GLA: variants seen among roughly 807,000 people sequenced by gnomAD.
GLA encodes alpha-galactosidase A.
Under a neutral mutation model 28.2 loss-of-function variants are expected in GLA, and 4 were observed. The ratio of observed to expected loss-of-function variants is 0.14; its 90% CI spans 0.07 to 0.32. GLA has a LOEUF of 0.32. GLA is among the 10% of genes least tolerant of loss of function. The probability of loss-of-function intolerance (pLI) is 1.00; values close to 1 mark genes in which losing one functional copy is unlikely to be tolerated. For missense variants in GLA, 203 were observed against 323.7 expected, an observed-to-expected ratio of 0.63 and a Z score of 2.86; for synonymous variants, 94 against 113.0, an observed-to-expected ratio of 0.83 and a Z score of 1.07.
At chrX:101,402,670 G>A (rs1383072178) in intron 2 of GLA, among the ~76,000 whole-genome samples, 2 of 111,307 alleles carry the variant, frequency 1.8e-5, no homozygotes, top group East Asian at 5.6e-4. Context: ...GGCTGAGGCA[G>A]GAGAATCACT....
chrX:101,401,330 T>C (rs1424615741), intron 3 of GLA: 8 of 336,453 alleles, frequency 2.4e-5, no homozygotes, highest in East Asian at 6.0e-5. Context: ...CTGTGACCGA[T>C]TGACAACCTG....
At chrX:101,407,630 C>T (rs886320067) in intron 1 of GLA, 80 bp downstream of exon 1, 51 of 929,272 alleles carry the variant, frequency 5.5e-5, no homozygotes, top group Non-Finnish European at 7.7e-5. Context: ...CTCAACTGTT[C>T]CCGTTGAGAC....
chrX:101,403,207 G>A (rs183850282), intron 2 of GLA, among the ~76,000 whole-genome samples: 1 of 103,800 alleles, frequency 9.6e-6, no homozygotes, highest in Non-Finnish European at 2.0e-5. Flanking sequence ...GCTGAGGCAG[G>A]AGAATGGCAT....
In GLA at chrX:101,401,714, A is replaced by G. The variant is rs782197072; in HGVS notation, c.465T>C (p.Asp155=). Residue 155 remains aspartate, a synonymous_variant, in exon 3 of 7, where the codon GAT becomes GAC. Coordinates refer to ENST00000218516, the MANE Select transcript of GLA (RefSeq NM_000169.3). ...CTCCCCAGTCAGCAAAGGTCTGGGC[A>G]TCAATGTCGTAGTATCCAAAACTCC... ...FPGSFGYYDI[D]AQTFADWGVD... 12 of 1,206,911 alleles carry G rather than the reference A, an allele frequency of 9.9e-6. No individual in the cohort carries two copies. The highest frequency in any genetic ancestry group is 1.2e-5 in the Non-Finnish European group (11 of 892,327).
chrX:101,405,003 C>T (rs1215548053), intron 1 of GLA, among the ~76,000 whole-genome samples: 1 of 109,471 alleles, frequency 9.1e-6, no homozygotes, highest in East Asian at 2.9e-4. Flanking sequence ...TTTGGGAGGC[C>T]GAGGCAGGCA....
intron 2 of GLA, among the ~76,000 whole-genome samples, chrX:101,402,635 C>T (rs1244974310): frequency 9.0e-6 from 1 of 110,965 alleles, no homozygotes; most frequent in Non-Finnish European, 1.9e-5. Flanking sequence ...TGGTGGTGTG[C>T]GCCTGTAGTC....
chrX:101,405,185 G>A (rs1006882029), intron 1 of GLA, among the ~76,000 whole-genome samples: 2 of 99,289 alleles, frequency 2.0e-5, no homozygotes, highest in Non-Finnish European at 4.0e-5. Flanking sequence ...GCGGTGAACC[G>A]AGATCGTGAC....
chrX:101,404,429 T>G (rs183376684), intron 1 of GLA, among the ~76,000 whole-genome samples: 1 of 112,038 alleles, frequency 8.9e-6, no homozygotes, highest in African/African-American at 3.2e-5. Flanking sequence ...CTAAATGATT[T>G]GAATAAATGG....
intron 4 of GLA, 145 bp downstream of exon 4, chrX:101,400,521 G>T: frequency 2.0e-6 from 1 of 500,471 alleles, no homozygotes. Context: ...TACAGCAGTG[G>T]GGATGGTGAG....
At chrX:101,399,711 G>A (rs2080252732) in intron 4 of GLA, 1 of 112,584 alleles carries the variant, frequency 8.9e-6, no homozygotes, top group African/African-American at 3.2e-5. Flanking sequence ...TACAGTCAAA[G>A]TCAGACAAGG....
Position 101,401,725 on chromosome X carries a change from A to G in GLA, c.454T>C (p.Tyr152His). ...GCAAAGGTCTGGGCATCAATGTCGTAGTATCCAAAACTCCCAGGGAAGCCT... is the reference window on the plus strand; with the variant it reads ...GCAAAGGTCTGGGCATCAATGTCGTGGTATCCAAAACTCCCAGGGAAGCCT... ...CAGFPGSFGYYDIDAQTFADW... is the reference protein window; with the variant it reads ...CAGFPGSFGYHDIDAQTFADW... Residue 152 changes from tyrosine (Y) to histidine (H), a missense_variant, in exon 3 of 7, where the codon TAC becomes CAC. Physicochemically the swap from Tyr to His is moderately conservative, Grantham distance 83 (BLOSUM62 2). Transcript: ENST00000218516. 8.3e-7 allele frequency: 1 copy of G among 1,207,620 alleles called. No individual in the cohort carries two copies. Among genetic ancestry groups the G allele is most frequent in the Non-Finnish European group, 1.1e-6 (1 of 891,545 alleles).
intron 4 of GLA, 54 bp downstream of exon 4, chrX:101,400,612 G>A (rs377545237): frequency 2.9e-6 from 2 of 687,979 alleles, no homozygotes; most frequent in African/African-American, 4.3e-5. Context: ...TTCCTTTGTT[G>A]TCAAGTTCTA....
intron 1 of GLA, among the ~76,000 whole-genome samples, chrX:101,407,336 C>T (rs1170911702): frequency 9.0e-6 from 1 of 111,670 alleles, no homozygotes; most frequent in African/African-American, 3.3e-5. Flanking sequence ...TAGAACCGGG[C>T]AGGGCTACTT....
chrX:101,400,564 G>A, intron 4 of GLA, 102 bp downstream of exon 4: 1 of 525,105 alleles, frequency 1.9e-6, no homozygotes. Context: ...ATGGTAGGAT[G>A]ATAGTAAGTA....
intron 1 of GLA, among the ~76,000 whole-genome samples, chrX:101,405,719 G>A (rs1262018917): frequency 9.1e-5 from 10 of 110,440 alleles, no homozygotes; most frequent in Admixed American, 3.9e-4. Context: ...CCAGGAGTTC[G>A]AGACCAGCTT....
intron 1 of GLA, among the ~76,000 whole-genome samples, chrX:101,405,232 A>C (rs1265724330): frequency 1.1e-5 from 1 of 92,637 alleles, no homozygotes; most frequent in Non-Finnish European, 2.1e-5. Context: ...GCGAAACTCC[A>C]GCTCAAAAAA....
Position 101,397,991 on chromosome X carries a change from C to T in GLA, c.1108G>A (p.Ala370Thr). 1 of 1,210,070 alleles carries T rather than the reference C, an allele frequency of 8.3e-7. No homozygotes were observed. The highest frequency in any genetic ancestry group is 1.1e-6 in the Non-Finnish European group (1 of 893,945). Residue 370 changes from alanine to threonine, a missense_variant, in exon 7 of 7, where the codon GCT (alanine) becomes ACT (threonine). This residue lies in a region of GLA where 162 missense variants were observed against 246.8 expected (regional missense o/e 0.66). Coordinates refer to ENST00000218516, the MANE Select transcript of GLA (RefSeq NM_000169.3). ...CAGGCCACTCCTTTACCCAGGGAAG[C>T]AACTGCGATGGTATAAGAGCGAGGT... Reference protein sequence around the residue: ...GGPRSYTIAVASLGKGVACNP... With the variant: ...GGPRSYTIAVTSLGKGVACNP...
At chrX:101,401,467 A>G (rs2147477087) in intron 3 of GLA, 165 bp downstream of exon 3, 1 of 514,314 alleles carries the variant, frequency 1.9e-6, no homozygotes, top group South Asian at 2.6e-5. Flanking sequence ...TAATTAATTA[A>G]TTAATGAACT....
intron 3 of GLA, chrX:101,401,303 T>G (rs1390973285): frequency 6.5e-6 from 2 of 307,529 alleles, no homozygotes; most frequent in African/African-American, 5.3e-5. Flanking sequence ...AAGGCAGGAA[T>G]GAAGATGCTT....
Sources: allele counts gnomAD v4.1 joint callset (sites outside exome capture counted in the v4.1 genomes callset), GRCh38; gene constraint gnomAD v4.1.1; regional missense constraint gnomAD v4.1.1; transcripts MANE v1.5; gene names NCBI Gene and HGNC (gene_info 2026-07-23, HGNC 2026-07-21).